The following DNAH12 variants were observed in gnomAD, a reference collection of about 807,000 sequenced individuals.
DNAH12 encodes the protein dynein axonemal heavy chain 12.
DNAH12 carries 285 observed loss-of-function variants against 371.5 expected under a neutral mutation model. That is an observed-to-expected ratio of 0.77 (90% confidence interval 0.70 to 0.85). The LOEUF is 0.85. Ranked by LOEUF, DNAH12 falls within the 40% of genes least tolerant of loss-of-function variation. The probability of loss-of-function intolerance (pLI) is 0.00; values close to 1 mark genes in which losing one functional copy is unlikely to be tolerated. For missense variants in DNAH12, 3,611 were observed against 3,689.4 expected (o/e 0.98, Z 0.55); for synonymous variants, 1,200 against 1,213.0 (o/e 0.99, Z 0.22).
At chr3:57,462,335 T>G (rs1330404311) in intron 18 of DNAH12, among the ~76,000 whole-genome samples, 2 of 152,074 alleles carry the variant, frequency 1.3e-5, no homozygotes, top group African/African-American at 4.8e-5. Context: ...CACTGCAACC[T>G]CCACCTCCCG....
At chr3:57,376,811 A>G (rs1303080397) in intron 53 of DNAH12, among the ~76,000 whole-genome samples, 170 bp downstream of exon 53, 1 of 152,154 alleles carries the variant, frequency 6.6e-6, no homozygotes, top group Admixed American at 6.6e-5. Flanking sequence ...TGTAAACACC[A>G]TCCTCAAGAC....
At chr3:57,504,899 G>A (rs1219658552) in intron 8 of DNAH12, among the ~76,000 whole-genome samples, 1 of 125,398 alleles carries the variant, frequency 8.0e-6, no homozygotes. Flanking sequence ...TGTTTGTTTT[G>A]TTTGCTTTTT....
At chr3:57,323,654 C>A in intron 62 of DNAH12, 35 bp from the exon 63 acceptor site, 1 of 1,477,204 alleles carries the variant, frequency 6.8e-7, no homozygotes, top group Non-Finnish European at 9.0e-7. Context: ...TTTAGAGCAA[C>A]TTTTATTTCA....
chr3:57,318,024 CTGT>C (rs765143216), intron 65 of DNAH12, among the ~76,000 whole-genome samples: 6 of 151,896 alleles, frequency 4.0e-5, no homozygotes, highest in African/African-American at 7.3e-5. Context: ...TCTTTGTTTT[CTGT>C]TGTTGTTATT....
intron 36 of DNAH12, 127 bp downstream of exon 36, chr3:57,421,390 TA>T: frequency 1.3e-6 from 1 of 761,508 alleles, no homozygotes; most frequent in Non-Finnish European, 2.0e-6. Flanking sequence ...GAGGTGAAAC[TA>T]AAAGAAGGGA....
intron 45 of DNAH12, among the ~76,000 whole-genome samples, chr3:57,389,974 T>C (rs2063580861): frequency 6.7e-6 from 1 of 150,184 alleles, no homozygotes; most frequent in Admixed American, 6.6e-5. Context: ...TAGCTGGGAC[T>C]ACAGGCGTGC....
At position 57,293,936 on chromosome 3, in the gene DNAH12, C is replaced by T. The variant is rs376390858; in HGVS notation, c.11728G>A (p.Val3910Ile). The T allele has an allele frequency of 1.8e-4, 255 of 1,440,638 alleles. 1 individual carries two copies. The African/African-American group carries it at 3.4e-3, about 19-fold the overall frequency. 89.2% of individuals were successfully genotyped at this position (1,440,638 alleles called of 1,614,324 possible). A position where few individuals can be genotyped will look rare whatever the true frequency, so the allele number is the denominator to read the frequency against. ...KSRIIKSDAYVCPLYKTSERK... is the reference protein window; with the variant it reads ...KSRIIKSDAYICPLYKTSERK... Reference sequence around the variant, plus strand: ...TCACTTGTCTTGTAGAGGGGACAGACATAGGCATCCGACTTTATAATCCGA... The same window carrying T: ...TCACTTGTCTTGTAGAGGGGACAGATATAGGCATCCGACTTTATAATCCGA... The change falls in exon 74 of 74, where the codon GTC becomes ATC. Residue 3910 changes from valine to isoleucine, a missense_variant. Val to Ile is a conservative substitution (Grantham distance 29). This residue lies in a region of DNAH12 where 2,266 missense variants were observed against 2,236.9 expected (regional missense o/e 1.01). Coordinates refer to ENST00000495027, the MANE Select transcript of DNAH12 (RefSeq NM_001366028.2).
chr3:57,499,647 A>AAAAAAAAAAAAAAAATATATATATATAT (rs1451248906), intron 11 of DNAH12, among the ~76,000 whole-genome samples: 1 of 17,956 alleles, frequency 5.6e-5, no homozygotes. Context: ...AAAAAAAAAA[A>AAAAAAAAAAAAAAAATATATATATATAT]ATATATATAT....
At chr3:57,531,751 A>G (rs2068855735) in intron 2 of DNAH12, among the ~76,000 whole-genome samples, 4 of 142,668 alleles carry the variant, frequency 2.8e-5, no homozygotes, top group Non-Finnish European at 6.0e-5. Flanking sequence ...CGACAGAGCA[A>G]GACTCCACTC....
At position 57,433,242 on chromosome 3, in the gene DNAH12, C is replaced by T. The variant is rs2065009572; in HGVS notation, c.4980+125G>A. The T allele has an allele frequency of 6.0e-6, 7 of 1,160,264 alleles. No individual in the cohort carries two copies. In the South Asian group the frequency reaches 1.2e-4, roughly 20 times the overall value. The allele number at this position is 1,160,264 out of a possible 1,614,324, so 71.9% of individuals were successfully genotyped here. A position where few individuals can be genotyped will look rare whatever the true frequency, so the allele number is the denominator to read the frequency against. On this transcript the variant is annotated intron_variant, in intron 32 of 73. Coordinates refer to ENST00000495027, the MANE Select transcript of DNAH12 (RefSeq NM_001366028.2). The stretch of plus-strand genomic sequence containing the variant: ...TTCATTGAAAAGAGAATTTATAAAC[C>T]TACTCAACTTGCTGCATCCTTTATT...
chr3:57,532,035 T>C (rs2068867570), intron 2 of DNAH12, among the ~76,000 whole-genome samples: 1 of 152,172 alleles, frequency 6.6e-6, no homozygotes, highest in Non-Finnish European at 1.5e-5. Context: ...TATTCTTTTT[T>C]GTCTCCTTTA....
At chr3:57,335,135 C>T (rs999942657) in intron 60 of DNAH12, among the ~76,000 whole-genome samples, 195 bp from the exon 61 acceptor site, 4 of 152,222 alleles carry the variant, frequency 2.6e-5, no homozygotes, top group South Asian at 2.1e-4. Context: ...AGGACTGTGG[C>T]CTCTGAGAGA....
At position 57,342,484 on chromosome 3, in the gene DNAH12, CAAAAA is replaced by C. The variant is rs71088060; in HGVS notation, c.9675-7549_9675-7545del. 1.8e-3 allele frequency among the ~76,000 whole-genome samples: 122 copies of C among 66,052 alleles called. No homozygotes were observed. The East Asian group carries it at 0.021, about 11-fold the overall frequency. The allele number at this position is 66,052 out of a possible 152,430, so 43.3% of individuals were successfully genotyped here. ...TGAAACCCTATCTCTACTAAAAATACAAAAAAAAAAAAAAAAAAAAAAAATTAGCC... is the reference window on the plus strand; with the variant it reads ...TGAAACCCTATCTCTACTAAAAATACAAAAAAAAAAAAAAAAAAATTAGCC... On this transcript the variant is annotated intron_variant, in intron 60 of 73. Transcript: ENST00000495027.
rs1398397306 is a variant in DNAH12, at chr3:57,396,301, A to AC, written c.6949-1970_6949-1969insG. 3.7e-3 allele frequency among the ~76,000 whole-genome samples: 551 copies of AC among 150,326 alleles called. 3 individuals carry two copies. Among genetic ancestry groups the AC allele is most frequent in the African/African-American group, 0.01 (424 of 40,714 alleles). On this transcript the variant is annotated intron_variant, in intron 43 of 73. Transcript: ENST00000495027. ...CTCAAAAAAAAAAACAAAAAAAAAAAAAAAAAAAAGAGAACCATAAACATT... is the reference window on the plus strand; with the variant it reads ...CTCAAAAAAAAAAACAAAAAAAAAAACAAAAAAAAAGAGAACCATAAACATT...
intron 13 of DNAH12, among the ~76,000 whole-genome samples, chr3:57,474,526 C>T (rs1449689803): frequency 6.6e-6 from 1 of 152,140 alleles, no homozygotes. Context: ...AAACTCCTGA[C>T]ATCAGGTGAT....
At chr3:57,551,397 T>A in the DNAH12 span, among the ~76,000 whole-genome samples, 3 of 151,580 alleles carry the variant, frequency 2.0e-5, no homozygotes, top group Admixed American at 6.6e-5. Flanking sequence ...TCAGCCTCCC[T>A]AGTAGCTGGG....
chr3:57,346,385 A>G (rs2062543215), intron 60 of DNAH12, among the ~76,000 whole-genome samples: 1 of 152,148 alleles, frequency 6.6e-6, no homozygotes, highest in African/African-American at 2.4e-5. Flanking sequence ...TAGATAGATT[A>G]GTTGTAAATG....
At chr3:57,522,021 C>G (rs1368647018) in intron 4 of DNAH12, among the ~76,000 whole-genome samples, 1 of 151,956 alleles carries the variant, frequency 6.6e-6, no homozygotes, top group Non-Finnish European at 1.5e-5. Flanking sequence ...GTCAGGAGCT[C>G]GAGGCCAGCC....
intron 11 of DNAH12, among the ~76,000 whole-genome samples, chr3:57,491,076 T>TATC (rs2067103302): frequency 3.0e-5 from 1 of 33,382 alleles, no homozygotes; most frequent in African/African-American, 1.3e-4. Flanking sequence ...AGCGAGACTC[T>TATC]ATCTCAAAAA....
Sources: allele counts gnomAD v4.1 joint callset (sites outside exome capture counted in the v4.1 genomes callset), GRCh38; gene constraint gnomAD v4.1.1; regional missense constraint gnomAD v4.1.1; transcripts MANE v1.5; gene names NCBI Gene and HGNC (gene_info 2026-07-23, HGNC 2026-07-21).